SYNPR: variants seen among roughly 807,000 people sequenced by gnomAD.
SYNPR encodes the protein synaptoporin.
A neutral mutation model predicts 32.9 loss-of-function variants in SYNPR; 23 were observed. The ratio of observed to expected loss-of-function variants is 0.70; its 90% confidence interval spans 0.50 to 0.99. The LOEUF (loss-of-function observed/expected upper bound fraction) is 0.99, where lower values mean the gene tolerates loss of function less well. Ranked by LOEUF, SYNPR falls within the 50% of genes least tolerant of loss-of-function variation. The pLI is 0.00. For synonymous variants in SYNPR, 146 were observed against 135.9 expected, an observed-to-expected ratio of 1.07 and a Z score of -0.52; for missense variants, 318 against 349.3, an observed-to-expected ratio of 0.91 and a Z score of 0.71.
intron 3 of SYNPR, among the ~76,000 whole-genome samples, chr3:63,494,585 A>C (rs1278670738): frequency 6.6e-6 from 1 of 150,520 alleles, no homozygotes; most frequent in East Asian, 2.1e-4. Context: ...ATTATCATCA[A>C]AAAAGGCCAC....
At chr3:63,310,112 C>A (rs1389192141) in intron 2 of SYNPR, among the ~76,000 whole-genome samples, 1 of 151,936 alleles carries the variant, frequency 6.6e-6, no homozygotes, top group African/African-American at 2.4e-5. Flanking sequence ...GCCTCCAACT[C>A]CCCACCCCAG....
chr3:63,202,345 T>C, the SYNPR span, among the ~76,000 whole-genome samples: 1 of 152,142 alleles, frequency 6.6e-6, no homozygotes, highest in African/African-American at 2.4e-5. Context: ...TTAAAAATGG[T>C]TCATAAATAT....
At chr3:63,534,683 T>G (rs1365290604) in intron 3 of SYNPR, among the ~76,000 whole-genome samples, 4 of 152,080 alleles carry the variant, frequency 2.6e-5, no homozygotes, top group Non-Finnish European at 4.4e-5. Context: ...AAATGCAAGA[T>G]TGGACATTTG....
At chr3:63,253,437 T>A (rs1242105999) in intron 2 of SYNPR, among the ~76,000 whole-genome samples, 7 of 152,210 alleles carry the variant, frequency 4.6e-5, no homozygotes, top group Non-Finnish European at 8.8e-5. Flanking sequence ...TACCTTGAAA[T>A]AATAATTTTG....
chr3:63,415,512 G>C (rs2088528748), intron 2 of SYNPR, among the ~76,000 whole-genome samples: 1 of 152,092 alleles, frequency 6.6e-6, no homozygotes, highest in Non-Finnish European at 1.5e-5. Context: ...TAAAGGGCTG[G>C]TAGTAAATGT....
intron 4 of SYNPR, among the ~76,000 whole-genome samples, chr3:63,565,829 T>G (rs1157199891): frequency 1.3e-5 from 2 of 152,188 alleles, no homozygotes; most frequent in African/African-American, 4.8e-5. Context: ...TATGGGGAAC[T>G]CTCTACCTGT....
chr3:63,459,008 C>T lies in SYNPR; in HGVS notation c.85-21824C>T, dbSNP rs547749647. 1.3e-4 allele frequency among the ~76,000 whole-genome samples: 20 copies of T among 152,128 alleles called. 1 individual carries two copies. Among genetic ancestry groups the T allele is most frequent in the African/African-American group, 4.6e-4 (19 of 41,516 alleles). ...AAGTATCTCTCTATCTCTCCTCTCCCGTCACTTAAGTTTCTCCTTGATCTC... is the reference window on the plus strand; with the variant it reads ...AAGTATCTCTCTATCTCTCCTCTCCTGTCACTTAAGTTTCTCCTTGATCTC... On this transcript the variant is annotated intron_variant, in intron 2 of 5. Transcript: ENST00000478300.
At chr3:63,469,863 T>G (rs147586089) in intron 2 of SYNPR, among the ~76,000 whole-genome samples, 2 of 152,218 alleles carry the variant, frequency 1.3e-5, no homozygotes, top group Non-Finnish European at 2.9e-5. Flanking sequence ...AATTTGAAAG[T>G]ACTATTGAAG....
chr3:63,327,262 A>T (rs1177845278), intron 2 of SYNPR, among the ~76,000 whole-genome samples: 1 of 152,166 alleles, frequency 6.6e-6, no homozygotes, highest in African/African-American at 2.4e-5. Context: ...TAGAACAACT[A>T]GAACTTTTTT....
chr3:63,481,025 G>GA (rs1025254558), intron 3 of SYNPR, 69 bp downstream of exon 3: 27 of 1,549,424 alleles, frequency 1.7e-5, no homozygotes, highest in African/African-American at 1.1e-4. Context: ...CTTTGTCTCA[G>GA]AAAAAATGCA....
At chr3:63,409,180 C>T (rs1376195409) in intron 2 of SYNPR, among the ~76,000 whole-genome samples, 1 of 151,980 alleles carries the variant, frequency 6.6e-6, no homozygotes, top group Non-Finnish European at 1.5e-5. Flanking sequence ...TTTTTTTCTC[C>T]CAACAAGTCT....
chr3:63,335,887 C>T (rs1034281946), intron 2 of SYNPR, among the ~76,000 whole-genome samples: 1 of 146,332 alleles, frequency 6.8e-6, no homozygotes, highest in Non-Finnish European at 1.5e-5. Context: ...AGCGATTCTT[C>T]TGCCTCAGCC....
intron 2 of SYNPR, among the ~76,000 whole-genome samples, chr3:63,363,937 A>C (rs1212997332): frequency 6.6e-6 from 1 of 152,204 alleles, no homozygotes; most frequent in Non-Finnish European, 1.5e-5. Context: ...AAGAATATTA[A>C]GTATGAAAAG....
chr3:63,304,661 G>A (rs2086891854), intron 2 of SYNPR, among the ~76,000 whole-genome samples: 1 of 151,524 alleles, frequency 6.6e-6, no homozygotes, highest in Non-Finnish European at 1.5e-5. Flanking sequence ...CTTTCTCTTG[G>A]GACTATAAGT....
At chr3:63,310,168 T>G (rs2086949610) in intron 2 of SYNPR, among the ~76,000 whole-genome samples, 1 of 152,020 alleles carries the variant, frequency 6.6e-6, no homozygotes, top group Non-Finnish European at 1.5e-5. Context: ...TCCATTGGTA[T>G]AGTTGAGACA....
intron 2 of SYNPR, among the ~76,000 whole-genome samples, chr3:63,309,021 C>T (rs887499262): frequency 6.6e-6 from 1 of 151,882 alleles, no homozygotes; most frequent in African/African-American, 2.4e-5. Context: ...CACTGATGCG[C>T]TGTTCATTTT....
intron 3 of SYNPR, among the ~76,000 whole-genome samples, chr3:63,499,488 C>A (rs999996860): frequency 6.6e-6 from 1 of 152,070 alleles, no homozygotes; most frequent in African/African-American, 2.4e-5. Context: ...TAGAGTTTCA[C>A]ATCATTGATG....
intron 1 of SYNPR, among the ~76,000 whole-genome samples, chr3:63,230,376 G>T (rs564149114): frequency 6.6e-6 from 1 of 152,218 alleles, no homozygotes; most frequent in East Asian, 1.9e-4. Flanking sequence ...GGTCTGGCTT[G>T]AATTTTTTCC....
At chr3:63,501,664 G>C (rs571732773) in intron 3 of SYNPR, among the ~76,000 whole-genome samples, 2 of 152,128 alleles carry the variant, frequency 1.3e-5, no homozygotes, top group African/African-American at 4.8e-5. Flanking sequence ...GTCTACTATT[G>C]TAAGTCTTAC....
Sources: gnomAD v4.1 joint callset for allele counts (sites outside exome capture counted in the v4.1 genomes callset) on GRCh38, gnomAD v4.1.1 for gene constraint, MANE v1.5 for transcripts, NCBI Gene and HGNC (gene_info 2026-07-23, HGNC 2026-07-21) for gene names.